The following GRIK4 variants were observed in gnomAD, a reference collection of about 807,000 sequenced individuals.
GRIK4 encodes glutamate receptor ionotropic, kainate 4.
A neutral mutation model predicts 104.9 loss-of-function variants in GRIK4; 40 were observed. That is an observed-to-expected ratio of 0.38 (90% CI 0.30 to 0.50). The LOEUF (loss-of-function observed/expected upper bound fraction) is 0.50. Among genes scored for constraint, GRIK4 ranks in the 20% least tolerant of loss-of-function variants. GRIK4 has a pLI of 0.93. For synonymous variants in GRIK4, 485 were observed against 524.9 expected, an observed-to-expected ratio of 0.92 and a Z score of 1.04; for missense variants, 1,047 against 1,308.1, an observed-to-expected ratio of 0.80 and a Z score of 3.08.
chr11:120,932,483 A>T, intron 13 of GRIK4, among the ~76,000 whole-genome samples: 1 of 150,194 alleles, frequency 6.7e-6, no homozygotes, highest in Non-Finnish European at 1.5e-5. Flanking sequence ...CAGGAAAGCC[A>T]GGCTTGCTAG....
At chr11:120,593,138 G>A (rs1045686362) in intron 1 of GRIK4, among the ~76,000 whole-genome samples, 6 of 148,792 alleles carry the variant, frequency 4.0e-5, no homozygotes, top group African/African-American at 1.5e-4. Context: ...AGCCAAGATC[G>A]CGCATTGCAT....
chr11:120,598,469 A>G (rs1240711929), intron 1 of GRIK4, among the ~76,000 whole-genome samples: 7 of 152,186 alleles, frequency 4.6e-5, no homozygotes, highest in African/African-American at 1.2e-4. Context: ...TGAGGAGCCA[A>G]CCAGTTCTTT....
At chr11:120,523,750 C>T (rs957452136) in intron 1 of GRIK4, among the ~76,000 whole-genome samples, 1 of 151,398 alleles carries the variant, frequency 6.6e-6, no homozygotes, top group African/African-American at 2.4e-5. Context: ...TTCTAAGGAA[C>T]TTCCAGCTCC....
intron 3 of GRIK4, among the ~76,000 whole-genome samples, chr11:120,730,350 C>G (rs1951106871): frequency 6.6e-6 from 1 of 151,782 alleles, no homozygotes; most frequent in Non-Finnish European, 1.5e-5. Context: ...AAAGTGAGAC[C>G]CTGTCTCAAA....
At chr11:120,707,003 G>A (rs1950643016) in intron 3 of GRIK4, among the ~76,000 whole-genome samples, 1 of 152,172 alleles carries the variant, frequency 6.6e-6, no homozygotes, top group African/African-American at 2.4e-5. Flanking sequence ...TCTCTGACTT[G>A]GGCCAAGATT....
At chr11:120,515,076 T>G (rs1393322879) in intron 1 of GRIK4, 1 of 456,026 alleles carries the variant, frequency 2.2e-6, no homozygotes, top group Non-Finnish European at 4.4e-6. Flanking sequence ...CTCTGCACGC[T>G]GACCCCAACT....
intron 4 of GRIK4, among the ~76,000 whole-genome samples, chr11:120,808,566 A>G (rs1203832836): frequency 6.6e-6 from 1 of 152,180 alleles, no homozygotes; most frequent in Non-Finnish European, 1.5e-5. Context: ...GGGGCCCGTC[A>G]TGGGGCGTGG....
chr11:120,890,671 T>A (rs1955262798), intron 11 of GRIK4, among the ~76,000 whole-genome samples: 1 of 152,228 alleles, frequency 6.6e-6, no homozygotes, highest in South Asian at 2.1e-4. Flanking sequence ...GAAAGGTGTA[T>A]GAAAGTGCCT....
At chr11:120,815,831 CGT>C (rs895853903) in intron 5 of GRIK4, among the ~76,000 whole-genome samples, 5 of 152,142 alleles carry the variant, frequency 3.3e-5, no homozygotes, top group African/African-American at 7.2e-5. Flanking sequence ...CGTCCACTCT[CGT>C]GTCCACGTGA....
intron 3 of GRIK4, among the ~76,000 whole-genome samples, chr11:120,671,170 C>T (rs1449520835): frequency 6.6e-6 from 1 of 152,106 alleles, no homozygotes; most frequent in Non-Finnish European, 1.5e-5. Flanking sequence ...CTTACGTGTC[C>T]ATATGTCTTT....
At chr11:120,776,768 C>T (rs547444718) in intron 3 of GRIK4, among the ~76,000 whole-genome samples, 3 of 152,312 alleles carry the variant, frequency 2.0e-5, no homozygotes, top group South Asian at 4.1e-4. Context: ...TCGGGCCTCT[C>T]GGTTCCTTGG....
chr11:120,973,460 A>T (rs1944508689), intron 19 of GRIK4, among the ~76,000 whole-genome samples: 1 of 152,246 alleles, frequency 6.6e-6, no homozygotes, highest in African/African-American at 2.4e-5. Context: ...TCCCAAATGC[A>T]TCCGAAGATT....
chr11:120,701,290 A>T (rs1390721720), intron 3 of GRIK4, among the ~76,000 whole-genome samples: 6 of 152,070 alleles, frequency 3.9e-5, no homozygotes, highest in Non-Finnish European at 7.4e-5. Flanking sequence ...CCCCTCTACC[A>T]TGCCCACTCA....
intron 3 of GRIK4, among the ~76,000 whole-genome samples, chr11:120,688,011 A>C (rs1372469943): frequency 6.6e-6 from 1 of 152,014 alleles, no homozygotes; most frequent in Non-Finnish European, 1.5e-5. Context: ...CAAGTCCTTA[A>C]TTTTCTCTCT....
intron 1 of GRIK4, among the ~76,000 whole-genome samples, chr11:120,563,726 G>C (rs932710040): frequency 6.6e-6 from 1 of 152,132 alleles, no homozygotes; most frequent in Non-Finnish European, 1.5e-5. Flanking sequence ...GGCACTCAGG[G>C]TTAGTTGGCT....
intron 1 of GRIK4, among the ~76,000 whole-genome samples, chr11:120,578,105 G>A (rs1948509282): frequency 6.6e-6 from 1 of 152,144 alleles, no homozygotes; most frequent in Admixed American, 6.5e-5. Flanking sequence ...ACATAGAGAT[G>A]AACAGAGAGA....
In GRIK4 at chr11:120,716,357, C is replaced by G. The variant is rs540020633; in HGVS notation, c.82+55957C>G. Among the ~76,000 whole-genome samples, 20 of 152,126 alleles carry G rather than the reference C, an allele frequency of 1.3e-4. 1 individual carries two copies. The highest frequency in any genetic ancestry group is 3.6e-4 in the African/African-American group (15 of 41,414). ...CTCCTGGGTTCAAGCAATCCTCCCC[C>G]CTCAGCCTCCCAAGTAGCTGGGATT... On this transcript the variant is annotated intron_variant, in intron 3 of 20. Transcript: ENST00000527524.
At chr11:120,930,182 G>A (rs546297454) in intron 13 of GRIK4, among the ~76,000 whole-genome samples, 2 of 152,308 alleles carry the variant, frequency 1.3e-5, no homozygotes, top group Admixed American at 6.5e-5. Flanking sequence ...TCCTAGCTGC[G>A]TGTATTTGAG....
chr11:120,595,521 C>T (rs1051546857), intron 1 of GRIK4, among the ~76,000 whole-genome samples: 8 of 152,330 alleles, frequency 5.3e-5, no homozygotes, highest in Admixed American at 3.3e-4. Flanking sequence ...TGACTGAGGG[C>T]GTGAATGGAG....
Sources: allele counts gnomAD v4.1 joint callset (sites outside exome capture counted in the v4.1 genomes callset), GRCh38; gene constraint gnomAD v4.1.1; transcripts MANE v1.5; gene names NCBI Gene and HGNC (gene_info 2026-07-23, HGNC 2026-07-21).